The following RORB variants were observed in gnomAD, a reference collection of about 807,000 sequenced individuals.
RORB encodes the protein nuclear receptor ROR-beta.
In RORB, 6 loss-of-function variants were observed where a neutral mutation model predicts 59.1. The ratio of observed to expected loss-of-function variants is 0.10; its 90% confidence interval spans 0.06 to 0.20. The LOEUF (loss-of-function observed/expected upper bound fraction) is 0.20, where lower values mean the gene tolerates loss of function less well. RORB is among the 10% of genes least tolerant of loss of function. RORB has a pLI of 1.00. For synonymous variants in RORB, 215 were observed against 204.5 expected (o/e 1.05, Z -0.44); for missense variants, 320 against 560.5 (o/e 0.57, Z 4.33).
intron 4 of RORB, among the ~76,000 whole-genome samples, chr9:74,653,346 T>A (rs1375531083): frequency 5.9e-5 from 9 of 151,980 alleles, no homozygotes; most frequent in Admixed American, 5.3e-4. Flanking sequence ...TAGTATAAAC[T>A]AAACAGAGAA....
At chr9:74,561,557 T>A (rs932410999) in intron 1 of RORB, among the ~76,000 whole-genome samples, 10 of 152,142 alleles carry the variant, frequency 6.6e-5, no homozygotes, top group Admixed American at 1.3e-4. Flanking sequence ...TTTATTGGGA[T>A]GAATGAGTCC....
chr9:74,553,854 C>T (rs905086175), intron 1 of RORB, among the ~76,000 whole-genome samples: 8 of 152,064 alleles, frequency 5.3e-5, no homozygotes, highest in Non-Finnish European at 7.4e-5. Context: ...TTGACCCAGG[C>T]GTAAACAATA....
chr9:74,521,912 C>T (rs1265776541), intron 1 of RORB, among the ~76,000 whole-genome samples: 1 of 151,770 alleles, frequency 6.6e-6, no homozygotes, highest in African/African-American at 2.4e-5. Context: ...AACATTGCTG[C>T]AGTTTTTGAC....
Position 74,534,029 on chromosome 9 carries a change from A to G in RORB, c.7+36046A>G, listed in dbSNP as rs151119427. On this transcript the variant is annotated intron_variant, in intron 1 of 9. Transcript: ENST00000376896. ...GCCGTTCTATGACGAAATTATTTAT[A>G]TCTCTACTTGGTGTTCTTCAGGACT... 1.2e-3 allele frequency among the ~76,000 whole-genome samples: 179 copies of G among 152,120 alleles called. 2 individuals are homozygous for G. Among genetic ancestry groups the G allele is most frequent in the African/African-American group, 4.0e-3 (168 of 41,542 alleles).
At chr9:74,583,182 C>A (rs1252461140) in intron 1 of RORB, among the ~76,000 whole-genome samples, 1 of 152,130 alleles carries the variant, frequency 6.6e-6, no homozygotes, top group African/African-American at 2.4e-5. Context: ...TAATCTAGGG[C>A]TCATGTAAGT....
At chr9:74,516,578 G>A (rs1293902568) in intron 1 of RORB, among the ~76,000 whole-genome samples, 1 of 152,006 alleles carries the variant, frequency 6.6e-6, no homozygotes, top group African/African-American at 2.4e-5. Flanking sequence ...CTGTTCCTGT[G>A]TTTAAAACTT....
intron 9 of RORB, among the ~76,000 whole-genome samples, chr9:74,685,212 C>T (rs939378284): frequency 3.1e-5 from 4 of 129,050 alleles, no homozygotes; most frequent in Non-Finnish European, 4.6e-5. Flanking sequence ...TATTTAAGAG[C>T]GATGAATCAG....
intron 1 of RORB, among the ~76,000 whole-genome samples, chr9:74,597,914 C>T (rs1822995320): frequency 6.6e-6 from 1 of 151,472 alleles, no homozygotes; most frequent in Non-Finnish European, 1.5e-5. Context: ...GCCGAGATCG[C>T]GCCATTGCAC....
At chr9:74,620,964 A>C (rs1248103866) in intron 1 of RORB, among the ~76,000 whole-genome samples, 2 of 152,168 alleles carry the variant, frequency 1.3e-5, no homozygotes, top group Non-Finnish European at 2.9e-5. Context: ...ACTTTTTTGA[A>C]AAATTAATAA....
chr9:74,659,134 T>C (rs1162989039), intron 4 of RORB, among the ~76,000 whole-genome samples: 1 of 152,212 alleles, frequency 6.6e-6, no homozygotes, highest in African/African-American at 2.4e-5. Context: ...CTACCATTTA[T>C]TCAGTGTTTC....
intron 1 of RORB, among the ~76,000 whole-genome samples, chr9:74,530,479 C>T (rs1171228324): frequency 6.6e-6 from 1 of 151,924 alleles, no homozygotes; most frequent in Non-Finnish European, 1.5e-5. Context: ...TCAGGTAGAT[C>T]CAGAGACGAT....
intron 3 of RORB, among the ~76,000 whole-genome samples, chr9:74,637,044 A>G (rs1823715281): frequency 2.0e-5 from 3 of 152,234 alleles, no homozygotes; most frequent in African/African-American, 7.2e-5. Context: ...TAAAGGCTCA[A>G]GAATGAAAGA....
chr9:74,589,350 G>A (rs987972186), intron 1 of RORB, among the ~76,000 whole-genome samples: 2 of 152,064 alleles, frequency 1.3e-5, no homozygotes, highest in Non-Finnish European at 2.9e-5. Flanking sequence ...TGACTACACA[G>A]GTTCCCACCT....
chr9:74,602,549 G>A (rs1333664447), intron 1 of RORB, among the ~76,000 whole-genome samples: 8 of 152,174 alleles, frequency 5.3e-5, no homozygotes, highest in East Asian at 3.8e-4. Context: ...GACAAGTGAC[G>A]ATCCGTCCTT....
intron 1 of RORB, among the ~76,000 whole-genome samples, chr9:74,499,723 A>G (rs1473920400): frequency 6.6e-6 from 1 of 152,010 alleles, no homozygotes. Context: ...TTCTTTTTCT[A>G]GCCCATCTCA....
intron 4 of RORB, among the ~76,000 whole-genome samples, chr9:74,650,253 C>CGTTTA (rs1823969664): frequency 6.6e-6 from 1 of 152,168 alleles, no homozygotes; most frequent in African/African-American, 2.4e-5. Flanking sequence ...AGAAGCCATA[C>CGTTTA]GTTTAAGGCA....
chr9:74,649,510 A>T (rs1424334617), intron 4 of RORB, among the ~76,000 whole-genome samples: 1 of 152,184 alleles, frequency 6.6e-6, no homozygotes, highest in African/African-American at 2.4e-5. Context: ...ACTATGAATT[A>T]TCGTAGAGGA....
intron 2 of RORB, among the ~76,000 whole-genome samples, chr9:74,630,863 C>A (rs996146689): frequency 1.3e-5 from 2 of 151,400 alleles, no homozygotes; most frequent in Non-Finnish European, 2.9e-5. Flanking sequence ...AAACTGGAAG[C>A]ATGGTATGTT....
Position 74,612,985 on chromosome 9 carries a change from CCACAGGATTTAAATA to C in RORB, c.8-17292_8-17278del, listed in dbSNP as rs1323131446. On this transcript the variant is annotated intron_variant, in intron 1 of 9. Coordinates refer to ENST00000376896, the MANE Select transcript of RORB (RefSeq NM_006914.4). ...TGAAAACAATCAAATCGGATTAAAT[CCACAGGATTTAAATA>C]CACACTGGACTGTGAGCTTCATCAC... 1.1e-4 allele frequency among the ~76,000 whole-genome samples: 17 copies of C among 152,090 alleles called. No homozygotes were observed. In the East Asian group the frequency reaches 3.3e-3, roughly 29 times the overall value.
Sources: gnomAD v4.1 joint callset for allele counts (sites outside exome capture counted in the v4.1 genomes callset) on GRCh38, gnomAD v4.1.1 for gene constraint, MANE v1.5 for transcripts, NCBI Gene and HGNC (gene_info 2026-07-23, HGNC 2026-07-21) for gene names.